Variants in CYP4F11 observed in about 807,000 individuals in gnomAD.
The protein encoded by CYP4F11 is cytochrome P450 family 4 subfamily F member 11, also known as cytochrome P450 4F11.
CYP4F11 carries 79 observed loss-of-function variants against 62.2 expected under a neutral mutation model. The observed-to-expected ratio is 1.27, with a 90% CI of 1.06 to 1.53. The LOEUF is 1.53. Among genes scored for constraint, CYP4F11 ranks in the 40% most tolerant of loss-of-function variants. CYP4F11 has a pLI of 0.00. For missense variants in CYP4F11, 777 were observed against 680.5 expected, an observed-to-expected ratio of 1.14 and a Z score of -1.58; for synonymous variants, 290 against 263.7, an observed-to-expected ratio of 1.10 and a Z score of -0.97.
Position 15,934,487 on chromosome 19 carries a change from G to T in CYP4F11, c.-79C>A. 1 of 1,497,168 alleles carries T rather than the reference G, an allele frequency of 6.7e-7. No individual in the cohort carries two copies. Among genetic ancestry groups the T allele is most frequent in the South Asian group, 1.2e-5 (1 of 81,280 alleles). 92.7% of individuals were successfully genotyped at this position (1,497,168 alleles called of 1,614,324 possible). ...AGGAAGCTCCAAGGACAGTGGAAAG[G>T]GGCAAGGATGGGCAGTGCTGGAGGC... On this transcript the variant is annotated 5_prime_UTR_variant, in exon 1 of 12. Transcript: ENST00000402119.
At chr19:15,924,212 T>G (rs904211072) in intron 5 of CYP4F11, 130 bp from the exon 6 acceptor site, 3 of 1,199,308 alleles carry the variant, frequency 2.5e-6, no homozygotes, top group Non-Finnish European at 3.5e-6. Context: ...CTCCAAACTC[T>G]CTTCTCTGAG....
rs556363507 is a variant in CYP4F11 at position 15,921,498 on chromosome 19, G to T, written c.1115+539C>A. Reference sequence around the variant, plus strand: ...GCTGGGAGCACCTGGAAAACAGATCGCAGGGCTGGATTCTTCCAAGCTCTC... The same window carrying T: ...GCTGGGAGCACCTGGAAAACAGATCTCAGGGCTGGATTCTTCCAAGCTCTC... On this transcript the variant is annotated intron_variant, in intron 8 of 11. Coordinates refer to ENST00000402119, the MANE Select transcript of CYP4F11 (RefSeq NM_021187.4). Among the ~76,000 whole-genome samples the T allele has an allele frequency of 3.3e-5, 5 of 152,320 alleles. No individual in the cohort carries two copies. The East Asian group carries it at 9.6e-4, about 29-fold the overall frequency.
intron 9 of CYP4F11, 34 bp from the exon 10 acceptor site, chr19:15,914,700 C>T (rs201533288): frequency 6.2e-7 from 1 of 1,613,972 alleles, no homozygotes; most frequent in East Asian, 2.2e-5. Context: ...AGGACAAGGC[C>T]CCCCTGCCTG....
intron 8 of CYP4F11, among the ~76,000 whole-genome samples, chr19:15,917,928 A>G (rs1004706222): frequency 1.3e-5 from 2 of 152,208 alleles, no homozygotes; most frequent in African/African-American, 4.8e-5. Context: ...CAGAAATCCC[A>G]TTACTGGGTA....
In CYP4F11 at chr19:15,913,771, A is replaced by C; in HGVS notation, c.1536T>G (p.Leu512=). The part of the protein sequence containing the change: ...PELILRAEGG[L]WLRVEPLGAN... ...CACCCAGGGGCTCCACCCGCAGCCA[A>C]AGTCCACCCTCTGCGCGCAATATCA... Residue 512 remains leucine, a synonymous_variant, in exon 12 of 12, where the codon CTT becomes CTG. Coordinates refer to ENST00000402119, the MANE Select transcript of CYP4F11 (RefSeq NM_021187.4). 6.2e-7 allele frequency: 1 copy of C among 1,614,162 alleles called. No individual in the cohort carries two copies.
rs551761548 is a variant in CYP4F11 at position 15,913,791 on chromosome 19, A to G, written c.1516T>C (p.Leu506=). 1.5e-4 allele frequency: 250 copies of G among 1,614,176 alleles called. 4 individuals carry two copies. In the South Asian group the frequency reaches 2.6e-3, roughly 17 times the overall value. ...AGCCAAAGTCCACCCTCTGCGCGCA[A>G]TATCAGCTCGGGTTTCCTGCGGGGT... ...TEPRRKPELI[L]RAEGGLWLRV... is the part of the protein sequence containing the mutation. Residue 506 remains leucine, a synonymous_variant, in exon 12 of 12, where the codon TTG becomes CTG. Coordinates refer to ENST00000402119, the MANE Select transcript of CYP4F11 (RefSeq NM_021187.4).
chr19:15,926,219 C>T (rs556921428), intron 4 of CYP4F11, among the ~76,000 whole-genome samples: 31 of 151,722 alleles, frequency 2.0e-4, no homozygotes, highest in Admixed American at 4.6e-4. Flanking sequence ...TTCCATGCAC[C>T]GTACTGCATA....
intron 8 of CYP4F11, 25 bp from the exon 9 acceptor site, chr19:15,914,920 C>T (rs1004713453): frequency 1.2e-6 from 2 of 1,611,844 alleles, no homozygotes; most frequent in African/African-American, 2.7e-5. Context: ...CAGCCCCAAT[C>T]ATTATCAAGG....
At chr19:15,919,292 T>C (rs550380816) in intron 8 of CYP4F11, among the ~76,000 whole-genome samples, 26 of 148,540 alleles carry the variant, frequency 1.8e-4, no homozygotes, top group African/African-American at 5.9e-4. Context: ...TGACTCCTAT[T>C]TATATAAATA....
At chr19:15,914,732 G>A (rs2089569139) in intron 9 of CYP4F11, 30 bp downstream of exon 9, 1 of 1,613,806 alleles carries the variant, frequency 6.2e-7, no homozygotes, top group Non-Finnish European at 8.5e-7. Context: ...TTGCTACCCA[G>A]GAGGCTCCTC....
intron 1 of CYP4F11, among the ~76,000 whole-genome samples, chr19:15,931,543 G>GGAGAGGAGTGAGTGAGCGA (rs1568257268): frequency 4.4e-5 from 3 of 68,806 alleles, no homozygotes; most frequent in South Asian, 5.0e-4. Context: ...TGAGTGAGCG[G>GGAGAGGAGTGAGTGAGCGA]GGAGAGGAAT....
chr19:15,927,177 G>C, intron 4 of CYP4F11, 35 bp downstream of exon 4: 1 of 1,606,390 alleles, frequency 6.2e-7, no homozygotes, highest in Non-Finnish European at 8.5e-7. Flanking sequence ...TCTACCCCAA[G>C]GCTCCAGCTG....
chr19:15,927,742 C>A (rs2089681703), intron 2 of CYP4F11: 2 of 534,978 alleles, frequency 3.7e-6, no homozygotes, highest in Non-Finnish European at 3.3e-6. Flanking sequence ...ACATGTTCTG[C>A]AACACCTGAG....
At chr19:15,921,937 C>A in intron 8 of CYP4F11, 100 bp downstream of exon 8, 1 of 1,399,636 alleles carries the variant, frequency 7.1e-7, no homozygotes, top group Non-Finnish European at 9.5e-7. Context: ...TCCCACTAAG[C>A]GATAATGGAA....
At chr19:15,927,646 G>T in intron 2 of CYP4F11, 163 bp from the exon 3 acceptor site, 1 of 882,602 alleles carries the variant, frequency 1.1e-6, no homozygotes, top group South Asian at 1.6e-5. Context: ...GTGGAGGAAG[G>T]AGAGACCAGA....
At chr19:15,934,604 T>C (rs1448110177), upstream of CYP4F11, 1 of 605,536 alleles carries the variant, frequency 1.7e-6, no homozygotes, top group Non-Finnish European at 2.7e-6. Context: ...TGGCCTCCAG[T>C]TACACAGAAA....
chr19:15,929,178 C>G (rs2089691527), intron 2 of CYP4F11, among the ~76,000 whole-genome samples: 1 of 152,186 alleles, frequency 6.6e-6, no homozygotes, highest in South Asian at 2.1e-4. Context: ...GATCCATTTC[C>G]TCAAGCACGG....
At chr19:15,928,979 T>C (rs1379116803) in intron 2 of CYP4F11, among the ~76,000 whole-genome samples, 1 of 152,210 alleles carries the variant, frequency 6.6e-6, no homozygotes, top group African/African-American at 2.4e-5. Context: ...CAGCGGTACC[T>C]GTATACTAAT....
At chr19:15,934,172 C>A (rs745918676) in intron 1 of CYP4F11, 39 bp downstream of exon 1, 1 of 1,602,940 alleles carries the variant, frequency 6.2e-7, no homozygotes, top group Non-Finnish European at 8.5e-7. Context: ...GAACTCCATG[C>A]ATCCTGAGAC....
Sources: gnomAD v4.1 joint callset for allele counts (sites outside exome capture counted in the v4.1 genomes callset) on GRCh38, gnomAD v4.1.1 for gene constraint, MANE v1.5 for transcripts, NCBI Gene and HGNC (gene_info 2026-07-23, HGNC 2026-07-21) for gene names.